Variants in TADA2A observed in about 807,000 individuals in gnomAD.
TADA2A encodes the protein transcriptional adapter 2-alpha.
TADA2A carries 38 observed loss-of-function variants against 67.4 expected under a neutral mutation model. The observed-to-expected ratio is 0.56, with a 90% CI of 0.44 to 0.74. TADA2A has a LOEUF of 0.74. TADA2A is among the 30% of genes least tolerant of loss of function. The probability of loss-of-function intolerance (pLI) is 0.00; values close to 1 mark genes in which losing one functional copy is unlikely to be tolerated. For synonymous variants in TADA2A, 192 were observed against 181.6 expected, an observed-to-expected ratio of 1.06 and a Z score of -0.46; for missense variants, 454 against 547.0, an observed-to-expected ratio of 0.83 and a Z score of 1.70.
chr17:37,412,676 C>T (rs765233052), intron 2 of TADA2A, among the ~76,000 whole-genome samples: 3 of 151,312 alleles, frequency 2.0e-5, no homozygotes, highest in Admixed American at 6.6e-5. Context: ...CCCAGCTACA[C>T]GGGAGCTGAG....
At chr17:37,442,852 A>G (rs1475207428) in intron 7 of TADA2A, among the ~76,000 whole-genome samples, 200 bp downstream of exon 7, 1 of 152,134 alleles carries the variant, frequency 6.6e-6, no homozygotes, top group Admixed American at 6.5e-5. Flanking sequence ...ATGGAACAGT[A>G]AAAATTCTTT....
chr17:37,415,218 A>T (rs1347910011), intron 2 of TADA2A, among the ~76,000 whole-genome samples: 1 of 152,082 alleles, frequency 6.6e-6, no homozygotes, highest in Non-Finnish European at 1.5e-5. Context: ...TACTATATAT[A>T]TGTGTTCTTT....
chr17:37,441,469 A>G (rs2052915163), intron 6 of TADA2A, among the ~76,000 whole-genome samples: 1 of 152,250 alleles, frequency 6.6e-6, no homozygotes, highest in African/African-American at 2.4e-5. Context: ...GAACTTTTTA[A>G]TCTCATGTGC....
At chr17:37,416,886 A>G (rs2052066647) in intron 2 of TADA2A, among the ~76,000 whole-genome samples, 1 of 152,100 alleles carries the variant, frequency 6.6e-6, no homozygotes, top group Admixed American at 6.6e-5. Flanking sequence ...CCTCAAAAAA[A>G]AAAAAGCCTC....
In TADA2A at chr17:37,479,492, G is replaced by A. The variant is rs888365240; in HGVS notation, c.*2510G>A. The stretch of plus-strand genomic sequence containing the variant: ...GGTATACCGAACTTTGCAAAGATAC[G>A]TAGCATTGCATCCTTCCTCTTTGCT... On this transcript the variant is annotated 3_prime_UTR_variant, in exon 16 of 16. Transcript: ENST00000615182. 3.3e-5 allele frequency: 5 copies of A among 152,276 alleles called. No homozygotes were observed. Among genetic ancestry groups the A allele is most frequent in the African/African-American group, 7.2e-5 (3 of 41,548 alleles). The allele number at this position is 152,276 out of a possible 1,614,324, so 9.4% of individuals were successfully genotyped here. A position where few individuals can be genotyped will look rare whatever the true frequency, so the allele number is the denominator to read the frequency against.
chr17:37,467,946 G>T (rs747734913), intron 12 of TADA2A, among the ~76,000 whole-genome samples: 1 of 152,120 alleles, frequency 6.6e-6, no homozygotes, highest in Non-Finnish European at 1.5e-5. Context: ...GCCAGGCGTT[G>T]TGGTGCACAC....
At chr17:37,429,097 C>T (rs1471499511) in intron 4 of TADA2A, among the ~76,000 whole-genome samples, 1 of 150,934 alleles carries the variant, frequency 6.6e-6, no homozygotes, top group Middle Eastern at 3.2e-3. Context: ...GGTCTAGGGG[C>T]CTTTCTATGT....
chr17:37,458,493 A>G, intron 8 of TADA2A, 31 bp from the exon 9 acceptor site: 1 of 1,506,818 alleles, frequency 6.6e-7, no homozygotes, highest in African/African-American at 1.4e-5. Flanking sequence ...TATGATATGT[A>G]TATATAGTAT....
chr17:37,472,424 A>G (rs547522124), intron 14 of TADA2A, among the ~76,000 whole-genome samples: 29 of 151,910 alleles, frequency 1.9e-4, no homozygotes, highest in African/African-American at 7.0e-4. Flanking sequence ...ATTTTTTCTT[A>G]ATATGGAAAG....
At chr17:37,470,010 A>G (rs953665556) in intron 12 of TADA2A, among the ~76,000 whole-genome samples, 4 of 152,200 alleles carry the variant, frequency 2.6e-5, no homozygotes, top group Non-Finnish European at 5.9e-5. Flanking sequence ...AAGGAAAGGC[A>G]TATGCTTATA....
In TADA2A at chr17:37,426,896, C is replaced by T. The variant is rs9909657; in HGVS notation, c.133-54C>T. ...CTTGTCAGAAGAATAACACAAACCT[C>T]CTCTGTCCTTTAAGAAAGTAGCTTT... is the stretch of plus-strand genomic sequence containing the variant. On this transcript the variant is annotated intron_variant, in intron 3 of 15. Transcript: ENST00000615182. 2,052 of 1,517,846 alleles carry T rather than the reference C, an allele frequency of 1.4e-3. 26 individuals carry two copies. In the African/African-American group the frequency reaches 0.025, roughly 19 times the overall value. 94.0% of individuals were successfully genotyped at this position (1,517,846 alleles called of 1,614,324 possible). A position where few individuals can be genotyped will look rare whatever the true frequency, so the allele number is the denominator to read the frequency against.
intron 12 of TADA2A, among the ~76,000 whole-genome samples, chr17:37,467,772 C>G (rs957484826): frequency 2.0e-5 from 3 of 151,898 alleles, no homozygotes; most frequent in African/African-American, 2.4e-5. Context: ...AGGATTCTGC[C>G]GAGGCTCTTT....
chr17:37,467,814 G>C (rs1334656212), intron 12 of TADA2A, among the ~76,000 whole-genome samples: 2 of 152,264 alleles, frequency 1.3e-5, no homozygotes, highest in East Asian at 3.9e-4. Flanking sequence ...GGGTGCAGTG[G>C]CTCACACCTG....
At chr17:37,419,427 G>A (rs1597852405) in intron 2 of TADA2A, among the ~76,000 whole-genome samples, 2 of 146,024 alleles carry the variant, frequency 1.4e-5, no homozygotes, top group African/African-American at 4.9e-5. Flanking sequence ...ACCCACCTTG[G>A]TCTCCCAGAG....
chr17:37,467,558 G>A, intron 12 of TADA2A, 33 bp downstream of exon 12: 6 of 1,539,886 alleles, frequency 3.9e-6, no homozygotes, highest in Non-Finnish European at 5.4e-6. Flanking sequence ...CCGTACTTGA[G>A]GGCAAGTATC....
intron 9 of TADA2A, among the ~76,000 whole-genome samples, chr17:37,461,178 C>T (rs761741116): frequency 6.6e-6 from 1 of 152,030 alleles, no homozygotes; most frequent in African/African-American, 2.4e-5. Context: ...ATAAGGAGCA[C>T]ACATCCTAGA....
At chr17:37,458,133 T>A (rs2053446412) in intron 8 of TADA2A, among the ~76,000 whole-genome samples, 1 of 152,210 alleles carries the variant, frequency 6.6e-6, no homozygotes, top group Non-Finnish European at 1.5e-5. Context: ...TGTGTCCGTG[T>A]GTTCTCATCA....
chr17:37,440,278 T>G (rs947541303), intron 5 of TADA2A, among the ~76,000 whole-genome samples: 1 of 152,176 alleles, frequency 6.6e-6, no homozygotes, highest in Non-Finnish European at 1.5e-5. Flanking sequence ...AAAGGACTTT[T>G]TAGTCATTAT....
intron 8 of TADA2A, among the ~76,000 whole-genome samples, chr17:37,455,972 A>T (rs1346064630): frequency 6.6e-6 from 1 of 152,100 alleles, no homozygotes; most frequent in Non-Finnish European, 1.5e-5. Context: ...GAGAGGCCAA[A>T]GTGGGTGGAT....
Sources: allele counts gnomAD v4.1 joint callset (sites outside exome capture counted in the v4.1 genomes callset), GRCh38; gene constraint gnomAD v4.1.1; transcripts MANE v1.5; gene names NCBI Gene and HGNC (gene_info 2026-07-23, HGNC 2026-07-21).